CEP85L: variants seen among roughly 807,000 people sequenced by gnomAD.
CEP85L encodes centrosomal protein 85L.
CEP85L carries 60 observed loss-of-function variants against 100.3 expected under a neutral mutation model. The observed-to-expected ratio is 0.60, with a 90% confidence interval of 0.49 to 0.74. The LOEUF is 0.74. CEP85L is among the 30% of genes least tolerant of loss of function. The pLI is 0.00. For missense variants in CEP85L, 973 were observed against 936.2 expected, an observed-to-expected ratio of 1.04 and a Z score of -0.51; for synonymous variants, 319 against 322.7, an observed-to-expected ratio of 0.99 and a Z score of 0.12.
intron 2 of CEP85L, among the ~76,000 whole-genome samples, chr6:118,622,723 C>G (rs1034433983): frequency 6.6e-6 from 1 of 152,194 alleles, no homozygotes; most frequent in African/African-American, 2.4e-5. Context: ...TCAGGGGACA[C>G]CCATTAAGTA....
intron 1 of CEP85L, among the ~76,000 whole-genome samples, chr6:118,701,256 G>A (rs756865793): frequency 5.9e-5 from 9 of 152,094 alleles, no homozygotes; most frequent in Non-Finnish European, 1.3e-4. Context: ...GCTACTATTC[G>A]ACCTAGTAAT....
Position 118,465,436 on chromosome 6 carries a change from T to C in CEP85L, c.2387A>G (p.Gln796Arg). ...LRTTISDRYA[Q>R]DMGDNCITQ ...AGTAATGCAGTTGTCTCCCATGTCC[T>C]GAGCATAGCGGTCTGATATTGTAGT... Residue 796 changes from glutamine (Q) to arginine (R), a missense_variant, in exon 13 of 13, where the codon CAG (glutamine) becomes CGG (arginine). Gln to Arg is a conservative substitution (Grantham distance 43). Transcript: ENST00000368491. 1 of 1,613,488 alleles carries C rather than the reference T, an allele frequency of 6.2e-7. No individual in the cohort carries two copies. The highest frequency in any genetic ancestry group is 8.5e-7 in the Non-Finnish European group (1 of 1,179,570).
At chr6:118,650,582 G>A (rs1379181000) in intron 1 of CEP85L, among the ~76,000 whole-genome samples, 2 of 152,216 alleles carry the variant, frequency 1.3e-5, no homozygotes, top group Non-Finnish European at 2.9e-5. Flanking sequence ...ACGCCGCAGG[G>A]GCTGCGGGGC....
chr6:118,615,619 G>A (rs967720833), intron 2 of CEP85L, among the ~76,000 whole-genome samples: 1 of 152,106 alleles, frequency 6.6e-6, no homozygotes, highest in African/African-American at 2.4e-5. Flanking sequence ...TCTTTACCTG[G>A]GGGTTTTAGG....
In CEP85L at chr6:118,505,603, T is replaced by C. The variant is rs181110512; in HGVS notation, c.1257+5695A>G. Reference sequence around the variant, plus strand: ...AAGATATAGAGGAAACTTAAATGCATACTACTAAGTGAAAGAAGCCAGTTT... The same window carrying C: ...AAGATATAGAGGAAACTTAAATGCACACTACTAAGTGAAAGAAGCCAGTTT... On this transcript the variant is annotated intron_variant, in intron 5 of 12. Coordinates refer to ENST00000368491, the MANE Select transcript of CEP85L (RefSeq NM_001042475.3). Among the ~76,000 whole-genome samples the C allele has an allele frequency of 2.6e-5, 4 of 152,220 alleles. No homozygotes were observed. The East Asian group carries it at 7.7e-4, about 29-fold the overall frequency.
intron 2 of CEP85L, among the ~76,000 whole-genome samples, chr6:118,622,377 T>C (rs564482388): frequency 1.3e-5 from 2 of 152,196 alleles, no homozygotes; most frequent in Admixed American, 6.5e-5. Context: ...GGGGAGCCAA[T>C]TGAGCATAAC....
intron 1 of CEP85L, 86 bp downstream of exon 1, chr6:118,651,111 G>A (rs1034861755): frequency 2.8e-6 from 4 of 1,424,362 alleles, no homozygotes; most frequent in Non-Finnish European, 3.6e-6. Flanking sequence ...ACAGGCCTGA[G>A]GCGGGAGGGG....
At chr6:118,467,687 A>C (rs1037401320) in intron 12 of CEP85L, among the ~76,000 whole-genome samples, 2 of 152,172 alleles carry the variant, frequency 1.3e-5, no homozygotes, top group Non-Finnish European at 2.9e-5. Flanking sequence ...AGGAGACTCT[A>C]AAGTAATTAA....
intron 5 of CEP85L, among the ~76,000 whole-genome samples, chr6:118,499,393 C>T (rs377521139): frequency 3.3e-5 from 5 of 152,232 alleles, no homozygotes; most frequent in East Asian, 1.9e-4. Flanking sequence ...TGGCCAGGCA[C>T]GGTGGCTCAT....
At chr6:118,542,200 T>C (rs1777932979) in intron 3 of CEP85L, among the ~76,000 whole-genome samples, 1 of 152,124 alleles carries the variant, frequency 6.6e-6, no homozygotes. Context: ...ACATTAAAAT[T>C]TGTAACATAT....
intron 5 of CEP85L, chr6:118,502,646 A>G: frequency 2.1e-6 from 1 of 470,144 alleles, no homozygotes; most frequent in Non-Finnish European, 4.0e-6. Context: ...GAGACCAACA[A>G]ATTGCTCAGG....
At chr6:118,491,347 G>A in intron 6 of CEP85L, 1 of 412,886 alleles carries the variant, frequency 2.4e-6, no homozygotes, top group Non-Finnish European at 3.5e-6. Flanking sequence ...TTAAAGATAG[G>A]CCAGCTTCAT....
chr6:118,534,553 T>G (rs570242727), intron 3 of CEP85L, among the ~76,000 whole-genome samples: 1 of 152,096 alleles, frequency 6.6e-6, no homozygotes, highest in East Asian at 1.9e-4. Flanking sequence ...CTCAGGAGGC[T>G]GAGGCAGGAG....
intron 3 of CEP85L, among the ~76,000 whole-genome samples, chr6:118,540,535 T>C (rs1410234749): frequency 6.6e-5 from 10 of 151,998 alleles, no homozygotes; most frequent in Non-Finnish European, 1.2e-4. Context: ...GGCGGGCACA[T>C]CACGAGGTCA....
rs1212767673 is a variant in CEP85L at position 118,462,940 on chromosome 6, T to C, written c.*2465A>G. ...TATCTACTGTTTATGTAGGCCCCTT[T>C]ACAAACTCCAGATTTTAAGAGGATC... On this transcript the variant is annotated 3_prime_UTR_variant, in exon 13 of 13. Coordinates refer to ENST00000368491, the MANE Select transcript of CEP85L (RefSeq NM_001042475.3). The C allele has an allele frequency of 6.6e-6, 1 of 151,964 alleles. No homozygotes were observed. Among genetic ancestry groups the C allele is most frequent in the African/African-American group, 2.4e-5 (1 of 41,428 alleles). The allele number at this position is 151,964 out of a possible 1,614,324, so 9.4% of individuals were successfully genotyped here.
chr6:118,645,159 G>C (rs1470573983), intron 1 of CEP85L, among the ~76,000 whole-genome samples: 1 of 152,126 alleles, frequency 6.6e-6, no homozygotes, highest in East Asian at 1.9e-4. Flanking sequence ...TTTCCGCCTT[G>C]GAGATTTTTT....
chr6:118,477,653 T>C (rs188763469), intron 10 of CEP85L, among the ~76,000 whole-genome samples: 21 of 152,180 alleles, frequency 1.4e-4, no homozygotes, highest in Non-Finnish European at 2.8e-4. Flanking sequence ...TTCAAACAAA[T>C]TTGGTGTTCT....
intron 1 of CEP85L, among the ~76,000 whole-genome samples, chr6:118,646,743 G>C (rs997634373): frequency 1.3e-5 from 2 of 152,116 alleles, no homozygotes; most frequent in African/African-American, 4.8e-5. Flanking sequence ...TATGTAATTA[G>C]GCTATAACTC....
chr6:118,692,498 C>T (rs1319352371), intron 1 of CEP85L, among the ~76,000 whole-genome samples: 1 of 152,100 alleles, frequency 6.6e-6, no homozygotes. Context: ...GTAAGGTCAA[C>T]CTCCCCTATC....
Sources: gnomAD v4.1 joint callset for allele counts (sites outside exome capture counted in the v4.1 genomes callset) on GRCh38, gnomAD v4.1.1 for gene constraint, MANE v1.5 for transcripts, NCBI Gene and HGNC (gene_info 2026-07-23, HGNC 2026-07-21) for gene names.